The following NCKAP5 variants were observed in gnomAD, a reference collection of about 807,000 sequenced individuals.
The protein encoded by NCKAP5 is nck-associated protein 5.
Under a neutral mutation model 167.0 loss-of-function variants are expected in NCKAP5, and 92 were observed. The ratio of observed to expected loss-of-function variants is 0.55; its 90% CI spans 0.47 to 0.66. NCKAP5 has a LOEUF of 0.66. Among genes scored for constraint, NCKAP5 ranks in the 30% least tolerant of loss-of-function variants. NCKAP5 has a pLI of 0.00. For synonymous variants in NCKAP5, 891 were observed against 877.4 expected (o/e 1.02, Z -0.27); for missense variants, 2,378 against 2,315.0 (o/e 1.03, Z -0.56).
At chr2:133,491,931 A>G (rs1431470585) in intron 3 of NCKAP5, among the ~76,000 whole-genome samples, 1 of 152,200 alleles carries the variant, frequency 6.6e-6, no homozygotes, top group Non-Finnish European at 1.5e-5. Context: ...ATCTGTGTAT[A>G]AATGTCCTTC....
intron 8 of NCKAP5, among the ~76,000 whole-genome samples, chr2:132,938,122 A>C (rs1352819961): frequency 6.6e-6 from 1 of 152,182 alleles, no homozygotes; most frequent in Non-Finnish European, 1.5e-5. Context: ...CTGAGAGTCC[A>C]GTCATAGGTC....
At chr2:133,483,744 G>A (rs1475650619) in intron 3 of NCKAP5, among the ~76,000 whole-genome samples, 1 of 152,118 alleles carries the variant, frequency 6.6e-6, no homozygotes, top group East Asian at 1.9e-4. Flanking sequence ...TTCTAGAACA[G>A]TGGCTTCCCA....
chr2:133,437,169 T>C (rs1005575906), intron 3 of NCKAP5, among the ~76,000 whole-genome samples: 2 of 151,892 alleles, frequency 1.3e-5, no homozygotes, highest in Non-Finnish European at 2.9e-5. Context: ...CTGGCTAACA[T>C]GGTGAAACCC....
intron 19 of NCKAP5, among the ~76,000 whole-genome samples, chr2:132,723,973 C>A (rs993126552): frequency 6.6e-6 from 1 of 152,080 alleles, no homozygotes; most frequent in Admixed American, 6.6e-5. Context: ...GGGTTCTGGC[C>A]CCTTCTCATT....
At chr2:132,989,872 G>A (rs971496941) in intron 7 of NCKAP5, among the ~76,000 whole-genome samples, 4 of 152,132 alleles carry the variant, frequency 2.6e-5, no homozygotes, top group African/African-American at 9.7e-5. Context: ...ACCTCTACGA[G>A]CTTTGCCATA....
intron 3 of NCKAP5, among the ~76,000 whole-genome samples, chr2:133,412,695 T>C (rs947378448): frequency 2.6e-5 from 4 of 152,220 alleles, no homozygotes; most frequent in African/African-American, 7.2e-5. Context: ...TCTAGAAGTA[T>C]GATTTTTATC....
intron 19 of NCKAP5, among the ~76,000 whole-genome samples, chr2:132,703,081 T>A (rs1391429977): frequency 6.6e-6 from 1 of 151,990 alleles, no homozygotes; most frequent in Non-Finnish European, 1.5e-5. Flanking sequence ...CTTGGGAGAC[T>A]CAGGTGGGAG....
intron 3 of NCKAP5, among the ~76,000 whole-genome samples, chr2:133,356,745 T>C (rs1008787409): frequency 1.3e-5 from 2 of 152,192 alleles, no homozygotes; most frequent in African/African-American, 2.4e-5. Flanking sequence ...ATACTTACAC[T>C]TTTTGAGAAA....
chr2:133,607,852 T>C, the NCKAP5 span, among the ~76,000 whole-genome samples: 1 of 152,162 alleles, frequency 6.6e-6, no homozygotes, highest in Non-Finnish European at 1.5e-5. Flanking sequence ...AATCCCCACA[T>C]ATATTTTCTT....
chr2:133,355,299 A>C (rs1559410922), intron 3 of NCKAP5, among the ~76,000 whole-genome samples: 1 of 152,174 alleles, frequency 6.6e-6, no homozygotes, highest in Non-Finnish European at 1.5e-5. Context: ...GTTACTGTTG[A>C]GTATAAATGT....
chr2:133,605,072 C>T, the NCKAP5 span, among the ~76,000 whole-genome samples: 357 of 152,258 alleles, frequency 2.3e-3, no homozygotes, highest in African/African-American at 8.2e-3. Flanking sequence ...TTAATTAATA[C>T]AGATTTATCT....
At chr2:132,887,036 C>T (rs757538258) in intron 8 of NCKAP5, among the ~76,000 whole-genome samples, 38 of 152,098 alleles carry the variant, frequency 2.5e-4, no homozygotes, top group Non-Finnish European at 4.6e-4. Context: ...AATTTGATCA[C>T]CTGGTGAAGG....
intron 11 of NCKAP5, among the ~76,000 whole-genome samples, chr2:132,806,186 T>C (rs1685421900): frequency 6.6e-6 from 1 of 152,208 alleles, no homozygotes; most frequent in African/African-American, 2.4e-5. Flanking sequence ...CTGATGGGCA[T>C]GTGGGTTGGT....
intron 6 of NCKAP5, among the ~76,000 whole-genome samples, chr2:133,088,697 T>C (rs1481302490): frequency 6.6e-6 from 1 of 152,102 alleles, no homozygotes; most frequent in Non-Finnish European, 1.5e-5. Context: ...ACCTACAACA[T>C]TATTTCAAGA....
chr2:132,848,387 C>T (rs58081063), intron 11 of NCKAP5, among the ~76,000 whole-genome samples: 7,605 of 152,138 alleles, frequency 0.05, 444 homozygotes, highest in African/African-American at 0.13. Context: ...TTAATGATAA[C>T]GGCTTTTTGC....
intron 6 of NCKAP5, among the ~76,000 whole-genome samples, chr2:133,025,351 G>A (rs773427648): frequency 1.3e-5 from 2 of 152,140 alleles, no homozygotes; most frequent in Non-Finnish European, 2.9e-5. Flanking sequence ...TTTTGGCTTC[G>A]GAGAAAGAAA....
At chr2:133,121,816 C>T (rs571186132) in intron 6 of NCKAP5, among the ~76,000 whole-genome samples, 17 of 152,188 alleles carry the variant, frequency 1.1e-4, no homozygotes, top group Admixed American at 4.6e-4. Flanking sequence ...TCACTCAAAA[C>T]GGGAGGGAAT....
At chr2:133,273,596 A>G (rs570992518) in intron 4 of NCKAP5, among the ~76,000 whole-genome samples, 2 of 152,118 alleles carry the variant, frequency 1.3e-5, no homozygotes, top group Non-Finnish European at 2.9e-5. Flanking sequence ...GGTTAGAAGG[A>G]CTCTGATACC....
chr2:132,781,336 G>T, intron 14 of NCKAP5, 107 bp from the exon 15 acceptor site: 1 of 1,085,258 alleles, frequency 9.2e-7, no homozygotes, highest in Non-Finnish European at 1.3e-6. Context: ...GTAGCTCTTT[G>T]TCTTTAAACC....
Sources: gnomAD v4.1 joint callset for allele counts (sites outside exome capture counted in the v4.1 genomes callset) on GRCh38, gnomAD v4.1.1 for gene constraint, MANE v1.5 for transcripts, NCBI Gene and HGNC (gene_info 2026-07-23, HGNC 2026-07-21) for gene names.